Variants in DCDC2C observed in about 807,000 individuals in gnomAD.
DCDC2C encodes doublecortin domain containing 2C, also known as doublecortin domain-containing protein 2C.
A neutral mutation model predicts 45.0 loss-of-function variants in DCDC2C; 44 were observed. The observed-to-expected ratio is 0.98, with a 90% CI of 0.77 to 1.26. DCDC2C has a LOEUF of 1.26. DCDC2C is among the 50% of genes most tolerant of loss of function. The pLI is 0.00. For missense variants in DCDC2C, 447 were observed against 468.9 expected (o/e 0.95, Z 0.43); for synonymous variants, 187 against 178.8 (o/e 1.05, Z -0.37).
At chr2:3,829,799 C>T (rs1671909829) in intron 10 of DCDC2C, among the ~76,000 whole-genome samples, 1 of 152,210 alleles carries the variant, frequency 6.6e-6, no homozygotes, top group African/African-American at 2.4e-5. Flanking sequence ...GGTTCTCTCT[C>T]ACCACTCACA....
intron 3 of DCDC2C, among the ~76,000 whole-genome samples, chr2:3,738,762 C>G (rs1669106339): frequency 6.6e-6 from 1 of 152,084 alleles, no homozygotes; most frequent in Non-Finnish European, 1.5e-5. Flanking sequence ...TTTTTATCAG[C>G]ATATATAAAT....
chr2:3,747,630 G>A (rs1309251125), intron 4 of DCDC2C, among the ~76,000 whole-genome samples: 1 of 152,202 alleles, frequency 6.6e-6, no homozygotes, highest in African/African-American at 2.4e-5. Context: ...GGACACGTTG[G>A]GTGTGGCCTG....
In DCDC2C at chr2:3,771,122, G is replaced by A. The variant is rs145477568; in HGVS notation, c.954+1711G>A. On this transcript the variant is annotated intron_variant, in intron 8 of 10. Coordinates refer to ENST00000399143, the MANE Select transcript of DCDC2C (RefSeq NM_001287444.2). ...GGATAGGAAGACCCCCTGAGGGTGAGCTAGGTCATCCGTCCTCCCTCTGCA... is the reference window on the plus strand; with the variant it reads ...GGATAGGAAGACCCCCTGAGGGTGAACTAGGTCATCCGTCCTCCCTCTGCA... Among the ~76,000 whole-genome samples the A allele has an allele frequency of 2.1e-3, 313 of 152,368 alleles. 2 individuals carry two copies. Among genetic ancestry groups the A allele is most frequent in the African/African-American group, 7.2e-3 (299 of 41,598 alleles).
At chr2:3,731,266 A>G (rs930776015) in intron 3 of DCDC2C, among the ~76,000 whole-genome samples, 4 of 152,100 alleles carry the variant, frequency 2.6e-5, no homozygotes, top group Non-Finnish European at 5.9e-5. Flanking sequence ...CTTCCCATCC[A>G]CTAATGCTTG....
intron 9 of DCDC2C, among the ~76,000 whole-genome samples, chr2:3,779,790 A>G (rs1252916317): frequency 6.6e-6 from 1 of 151,592 alleles, no homozygotes; most frequent in Non-Finnish European, 1.5e-5. Context: ...TTTTGCTCTT[A>G]AACTTGCCCT....
At chr2:3,810,466 T>C (rs1671367775) in intron 10 of DCDC2C, among the ~76,000 whole-genome samples, 1 of 152,250 alleles carries the variant, frequency 6.6e-6, no homozygotes, top group African/African-American at 2.4e-5. Context: ...TTTAAGTCCT[T>C]GTAAATTCTG....
At chr2:3,764,746 C>A (rs1669972143) in intron 6 of DCDC2C, among the ~76,000 whole-genome samples, 1 of 152,150 alleles carries the variant, frequency 6.6e-6, no homozygotes, top group Non-Finnish European at 1.5e-5. Flanking sequence ...TTCAAAGATG[C>A]CAAGGTCATG....
chr2:3,793,680 A>G (rs1192223734), intron 10 of DCDC2C, among the ~76,000 whole-genome samples: 1 of 152,388 alleles, frequency 6.6e-6, no homozygotes, highest in Admixed American at 6.5e-5. Flanking sequence ...GTTTTAAATG[A>G]ATTCCAAATA....
Position 3,828,828 on chromosome 2 carries a change from G to A in DCDC2C, c.1066-18326G>A, listed in dbSNP as rs147048870. ...CTTCTGATATTTTGTGAGTTTGCAA[G>A]TTTCATTTTTCTGGGAGAATAAGGC... On this transcript the variant is annotated intron_variant, in intron 10 of 10. Coordinates refer to ENST00000399143, the MANE Select transcript of DCDC2C (RefSeq NM_001287444.2). Among the ~76,000 whole-genome samples, 21 of 152,316 alleles carry A rather than the reference G, an allele frequency of 1.4e-4. No individual in the cohort carries two copies. The East Asian group carries it at 3.9e-3, about 28-fold the overall frequency.
intron 10 of DCDC2C, chr2:3,844,419 C>T (rs1384761803): frequency 1.3e-5 from 2 of 151,114 alleles, no homozygotes; most frequent in Non-Finnish European, 2.9e-5. Context: ...ACGCAGCCGT[C>T]CTCAGGACAG....
At chr2:3,728,192 C>T (rs1463689029) in intron 3 of DCDC2C, among the ~76,000 whole-genome samples, 3 of 152,168 alleles carry the variant, frequency 2.0e-5, no homozygotes, top group African/African-American at 7.2e-5. Context: ...GACAGATCCT[C>T]AGGCTGGGAA....
At chr2:3,797,790 G>C (rs907924265) in intron 10 of DCDC2C, among the ~76,000 whole-genome samples, 3 of 151,688 alleles carry the variant, frequency 2.0e-5, no homozygotes, top group East Asian at 1.9e-4. Flanking sequence ...TTACTTCCAA[G>C]TATGTGGTCA....
At chr2:3,785,581 T>C (rs1670629471) in intron 10 of DCDC2C, among the ~76,000 whole-genome samples, 1 of 152,038 alleles carries the variant, frequency 6.6e-6, no homozygotes, top group Non-Finnish European at 1.5e-5. Flanking sequence ...GGAAAGCGGA[T>C]GTGTAGCTGG....
At chr2:3,760,054 T>A (rs1669837349) in intron 6 of DCDC2C, among the ~76,000 whole-genome samples, 1 of 152,204 alleles carries the variant, frequency 6.6e-6, no homozygotes, top group Non-Finnish European at 1.5e-5. Context: ...TCTCAGGGAA[T>A]GCTGACTCCC....
At chr2:3,788,914 A>C (rs1670731904) in intron 10 of DCDC2C, among the ~76,000 whole-genome samples, 1 of 141,506 alleles carries the variant, frequency 7.1e-6, no homozygotes, top group South Asian at 2.3e-4. Context: ...TCCCTCTGTC[A>C]CCTGCAAGCT....
intron 4 of DCDC2C, among the ~76,000 whole-genome samples, chr2:3,746,518 A>G (rs1469890843): frequency 6.6e-6 from 1 of 152,190 alleles, no homozygotes; most frequent in Non-Finnish European, 1.5e-5. Context: ...CTGGAAGGAA[A>G]AGGTGATGAG....
intron 10 of DCDC2C, among the ~76,000 whole-genome samples, chr2:3,811,332 C>G (rs1274804813): frequency 1.3e-5 from 2 of 152,112 alleles, no homozygotes; most frequent in Non-Finnish European, 2.9e-5. Context: ...ATTTTATTCT[C>G]TTTGTAGCGA....
chr2:3,805,525 G>A (rs1487929356), intron 10 of DCDC2C, among the ~76,000 whole-genome samples: 1 of 152,202 alleles, frequency 6.6e-6, no homozygotes, highest in South Asian at 2.1e-4. Flanking sequence ...TGCATCAGCT[G>A]CAGTGACCCT....
intron 1 of DCDC2C, 89 bp from the exon 2 acceptor site, chr2:3,708,460 G>T: frequency 9.8e-7 from 1 of 1,016,794 alleles, no homozygotes; most frequent in Non-Finnish European, 1.4e-6. Flanking sequence ...TATCTATTAA[G>T]CCGGAAAAGG....
Sources: gnomAD v4.1 joint callset for allele counts (sites outside exome capture counted in the v4.1 genomes callset) on GRCh38, gnomAD v4.1.1 for gene constraint, MANE v1.5 for transcripts, NCBI Gene and HGNC (gene_info 2026-07-23, HGNC 2026-07-21) for gene names.